The following RAP1GAP2 variants were observed in gnomAD, a reference collection of about 807,000 sequenced individuals.
RAP1GAP2 encodes RAP1 GTPase activating protein 2.
RAP1GAP2 carries 27 observed loss-of-function variants against 95.0 expected under a neutral mutation model. The observed-to-expected ratio is 0.28, with a 90% CI of 0.21 to 0.39. The LOEUF (loss-of-function observed/expected upper bound fraction) is 0.39, where lower values mean the gene tolerates loss of function less well. Ranked by LOEUF, RAP1GAP2 falls within the 10% of genes least tolerant of loss-of-function variation. RAP1GAP2 has a pLI of 1.00. For missense variants in RAP1GAP2, 771 were observed against 970.0 expected (o/e 0.79, Z 2.72); for synonymous variants, 373 against 380.9 (o/e 0.98, Z 0.24).
At position 3,008,228 on chromosome 17, in the gene RAP1GAP2, G is replaced by T. The variant is rs1597860760; in HGVS notation, c.1494+83G>T. On this transcript the variant is annotated intron_variant, in intron 17 of 24. Transcript: ENST00000254695. This position sits in a 1 kb window ranked among gnomAD's most constrained non-coding sequence, Gnocchi z 4.2. ...AGTGGTCCAAGGTCCATGGGATACT[G>T]ATCCCAGAGCCCAAGGGCCAGCTGG... 6.4e-7 allele frequency: 1 copy of T among 1,568,704 alleles called. No individual in the cohort carries two copies. Among genetic ancestry groups the T allele is most frequent in the South Asian group, 1.2e-5 (1 of 85,856 alleles).
chr17:2,977,380 C>T (rs1348092045), intron 8 of RAP1GAP2, among the ~76,000 whole-genome samples: 2 of 152,092 alleles, frequency 1.3e-5, no homozygotes, highest in African/African-American at 4.8e-5. Context: ...AAACAGCAGG[C>T]CCAGAGATGT....
chr17:2,782,480 T>G (rs1467539956), intron 1 of RAP1GAP2, among the ~76,000 whole-genome samples: 3 of 152,194 alleles, frequency 2.0e-5, no homozygotes, highest in Non-Finnish European at 4.4e-5. Flanking sequence ...CTCCCTTACC[T>G]TCATACTCTT....
At chr17:2,853,739 G>T (rs2151600453) in intron 2 of RAP1GAP2, among the ~76,000 whole-genome samples, 1 of 143,792 alleles carries the variant, frequency 7.0e-6, no homozygotes, top group African/African-American at 2.5e-5. Context: ...CGCGCCCCGA[G>T]CGAGCCTCGG....
At chr17:3,021,115 A>G (rs568552078) in intron 19 of RAP1GAP2, among the ~76,000 whole-genome samples, 34 of 152,348 alleles carry the variant, frequency 2.2e-4, no homozygotes, top group Non-Finnish European at 4.4e-4. Context: ...GATAAAATGC[A>G]TAATGATCAA....
intron 3 of RAP1GAP2, among the ~76,000 whole-genome samples, chr17:2,919,718 T>G (rs1220352577): frequency 6.6e-6 from 1 of 152,208 alleles, no homozygotes; most frequent in Non-Finnish European, 1.5e-5. Context: ...TTTTTTCTTT[T>G]TTGAGACGGA....
chr17:2,995,839 G>A (rs924062619), intron 13 of RAP1GAP2, among the ~76,000 whole-genome samples: 1 of 152,222 alleles, frequency 6.6e-6, no homozygotes, highest in Non-Finnish European at 1.5e-5. Flanking sequence ...CCTGGTCATA[G>A]AGGGTGGTGG....
At chr17:2,781,864 C>G (rs1182022653) in intron 1 of RAP1GAP2, among the ~76,000 whole-genome samples, 5 of 150,664 alleles carry the variant, frequency 3.3e-5, no homozygotes, top group Non-Finnish European at 5.9e-5. Context: ...GGGCAGGTCT[C>G]TGTGTGTGCA....
chr17:2,901,842 T>C (rs1450361403), intron 2 of RAP1GAP2, among the ~76,000 whole-genome samples: 2 of 152,124 alleles, frequency 1.3e-5, no homozygotes, highest in Non-Finnish European at 2.9e-5. Context: ...AGGCTGAGCA[T>C]AGCTGATCAG....
intron 4 of RAP1GAP2, 32 bp from the exon 5 acceptor site, chr17:2,962,638 T>C: frequency 6.4e-7 from 1 of 1,562,958 alleles, no homozygotes; most frequent in Non-Finnish European, 8.7e-7. Flanking sequence ...ACCTTTGCTT[T>C]TCTGTGGATC....
Position 2,797,711 on chromosome 17 carries a change from A to G in RAP1GAP2, c.44+1140A>G. 1 of 985,296 alleles carries G rather than the reference A, an allele frequency of 1.0e-6. No individual in the cohort carries two copies. The highest frequency in any genetic ancestry group is 1.7e-5 in the African/African-American group (1 of 57,304). 61.0% of individuals were successfully genotyped at this position (985,296 alleles called of 1,614,324 possible). ...CAGATGGGATGGTGCGGATGAGAAG[A>G]TGGCACAGCGTCGCCTGTGTCTGCT... On this transcript the variant is annotated intron_variant, in intron 1 of 24. Coordinates refer to ENST00000254695, the MANE Select transcript of RAP1GAP2 (RefSeq NM_015085.5). This position sits in a 1 kb window ranked among gnomAD's most constrained non-coding sequence, Gnocchi z 5.6.
At chr17:2,907,117 A>G (rs1163078497) in intron 3 of RAP1GAP2, among the ~76,000 whole-genome samples, 1 of 152,190 alleles carries the variant, frequency 6.6e-6, no homozygotes. Flanking sequence ...AGTTCTAACA[A>G]AGTCCCAGGG....
At chr17:2,771,193 T>C (rs2068385133) in intron 2 of RAP1GAP2, among the ~76,000 whole-genome samples, 1 of 152,122 alleles carries the variant, frequency 6.6e-6, no homozygotes. Flanking sequence ...CACACTTTGC[T>C]TTGACCTGGA....
chr17:2,815,909 C>G (rs898067585), intron 2 of RAP1GAP2, among the ~76,000 whole-genome samples: 4 of 152,246 alleles, frequency 2.6e-5, no homozygotes, highest in Admixed American at 6.5e-5. Context: ...CCCAGGCCTC[C>G]CTGCTGAGGA....
chr17:2,943,104 C>G (rs1308110314), intron 3 of RAP1GAP2, among the ~76,000 whole-genome samples: 2 of 151,900 alleles, frequency 1.3e-5, no homozygotes, highest in Non-Finnish European at 2.9e-5. Flanking sequence ...CAAATAAAAC[C>G]CCTTTAAGCA....
chr17:2,810,266 G>C (rs1166692961), intron 2 of RAP1GAP2, among the ~76,000 whole-genome samples: 1 of 152,112 alleles, frequency 6.6e-6, no homozygotes, highest in Non-Finnish European at 1.5e-5. Context: ...CCCTGGGGGC[G>C]CTGGGAGAGG....
At chr17:2,853,020 C>T (rs1448683658) in intron 2 of RAP1GAP2, among the ~76,000 whole-genome samples, 1 of 151,928 alleles carries the variant, frequency 6.6e-6, no homozygotes, top group Non-Finnish European at 1.5e-5. Context: ...GGGGGGCGCC[C>T]GGCCCGCCAG....
intron 3 of RAP1GAP2, among the ~76,000 whole-genome samples, chr17:2,915,460 C>A (rs2042540685): frequency 6.6e-6 from 1 of 152,152 alleles, no homozygotes; most frequent in Admixed American, 6.5e-5. Context: ...GTCTTGAACT[C>A]CTGAGCTCAA....
chr17:2,962,506 C>T (rs906322845), intron 4 of RAP1GAP2, 164 bp from the exon 5 acceptor site: 4 of 673,360 alleles, frequency 5.9e-6, no homozygotes. Context: ...CCTGAGGCTG[C>T]TGTGAGGCCC....
At chr17:2,945,947 G>A (rs147704087) in intron 3 of RAP1GAP2, among the ~76,000 whole-genome samples, 11 of 151,968 alleles carry the variant, frequency 7.2e-5, no homozygotes, top group Middle Eastern at 3.4e-3. Flanking sequence ...GTGCCACCAC[G>A]CCTGGGTAAT....
Sources: gnomAD v4.1 joint callset for allele counts (sites outside exome capture counted in the v4.1 genomes callset) on GRCh38, gnomAD v4.1.1 for gene constraint, Gnocchi (gnomAD v3.1) non-coding constraint, MANE v1.5 for transcripts, NCBI Gene and HGNC (gene_info 2026-07-23, HGNC 2026-07-21) for gene names.